HIVEP3: variants seen among roughly 807,000 people sequenced by gnomAD.
HIVEP3 encodes the protein HIVEP zinc finger 3.
A neutral mutation model predicts 152.8 loss-of-function variants in HIVEP3; 49 were observed. That is an observed-to-expected ratio of 0.32 (90% CI 0.26 to 0.41). The LOEUF is 0.41. Among genes scored for constraint, HIVEP3 ranks in the 10% least tolerant of loss-of-function variants. The probability of loss-of-function intolerance (pLI) is 1.00; values close to 1 mark genes in which losing one functional copy is unlikely to be tolerated. For synonymous variants in HIVEP3, 1,269 were observed against 1,289.0 expected, an observed-to-expected ratio of 0.98 and a Z score of 0.33; for missense variants, 2,790 against 3,103.3, an observed-to-expected ratio of 0.90 and a Z score of 2.40.
chr1:41,891,168 C>T (rs942925594), intron 1 of HIVEP3, among the ~76,000 whole-genome samples: 1 of 152,144 alleles, frequency 6.6e-6, no homozygotes, highest in African/African-American at 2.4e-5. Flanking sequence ...ATTTATGTGT[C>T]CAAACTTGCC....
intron 1 of HIVEP3, among the ~76,000 whole-genome samples, chr1:41,746,615 C>T (rs1254545829): frequency 6.6e-6 from 1 of 152,198 alleles, no homozygotes; most frequent in Admixed American, 6.5e-5. Context: ...TGTTTCTAGG[C>T]TGCTGTAACC....
At chr1:41,745,535 A>G (rs769354351) in intron 1 of HIVEP3, among the ~76,000 whole-genome samples, 28 of 152,198 alleles carry the variant, frequency 1.8e-4, no homozygotes, top group Non-Finnish European at 2.9e-4. Flanking sequence ...CTCTGCTCTG[A>G]CCCTGGAGAC....
chr1:41,890,822 C>A (rs1003973045), intron 1 of HIVEP3, among the ~76,000 whole-genome samples: 4 of 152,222 alleles, frequency 2.6e-5, no homozygotes, highest in Admixed American at 2.6e-4. Flanking sequence ...TAACCCAGGT[C>A]TCTGGGCAAG....
intron 1 of HIVEP3, among the ~76,000 whole-genome samples, chr1:41,908,147 A>T (rs59191491): frequency 0.036 from 5,451 of 152,258 alleles, 308 homozygotes; most frequent in African/African-American, 0.12. Flanking sequence ...GAGGAAAGAG[A>T]CCATCTCTAA....
intron 5 of HIVEP3, among the ~76,000 whole-genome samples, chr1:41,531,268 AGAGATGGAGGACAGGG>A (rs1558034653): frequency 7.8e-6 from 1 of 128,758 alleles, no homozygotes. Context: ...GGAGGACAGG[AGAGATGGAGGACAGGG>A]GAGATGGAGG....
chr1:41,787,485 A>G lies in HIVEP3; in HGVS notation c.-800-86490T>C, dbSNP rs1050416008. Among the ~76,000 whole-genome samples, 20 of 150,618 alleles carry G rather than the reference A, an allele frequency of 1.3e-4. 1 individual carries two copies. Among genetic ancestry groups the G allele is most frequent in the Non-Finnish European group, 2.5e-4 (17 of 67,620 alleles). ...ATGCACACAGCAGATGAGTTTTCAC[A>G]TGGCTTCATTGACATGCAAAGTGAT... On this transcript the variant is annotated intron_variant, in intron 1 of 8. Coordinates refer to ENST00000372583, the MANE Select transcript of HIVEP3 (RefSeq NM_024503.5).
At chr1:41,622,076 C>A (rs949621684) in intron 3 of HIVEP3, among the ~76,000 whole-genome samples, 1 of 152,220 alleles carries the variant, frequency 6.6e-6, no homozygotes, top group Non-Finnish European at 1.5e-5. Context: ...GGCCAACCAT[C>A]CATCTTGCAG....
At chr1:41,615,289 C>T (rs1299103727) in intron 3 of HIVEP3, among the ~76,000 whole-genome samples, 1 of 152,190 alleles carries the variant, frequency 6.6e-6, no homozygotes, top group Non-Finnish European at 1.5e-5. Context: ...CCAAAATCAG[C>T]TCATCTTCTA....
intron 1 of HIVEP3, among the ~76,000 whole-genome samples, chr1:41,769,494 T>C (rs1648218471): frequency 2.0e-5 from 3 of 152,138 alleles, no homozygotes; most frequent in South Asian, 2.1e-4. Flanking sequence ...GGAACCAAGA[T>C]TCCTTAGAGA....
At position 41,682,894 on chromosome 1, in the gene HIVEP3, C is replaced by T. The variant is rs561471374; in HGVS notation, c.-721+18022G>A. On this transcript the variant is annotated intron_variant, in intron 2 of 8. Transcript: ENST00000372583. Reference sequence around the variant, plus strand: ...GACATGGACCAAAAGAGCTGCAAAGCGGGGTGAAAATCTAATAACAGAAAT... The same window carrying T: ...GACATGGACCAAAAGAGCTGCAAAGTGGGGTGAAAATCTAATAACAGAAAT... Among the ~76,000 whole-genome samples the T allele has an allele frequency of 1.6e-4, 24 of 152,252 alleles. No homozygotes were observed. In the South Asian group the frequency reaches 2.3e-3, roughly 15 times the overall value.
chr1:42,013,279 T>C (rs959639006), intron 1 of HIVEP3, among the ~76,000 whole-genome samples: 1 of 152,214 alleles, frequency 6.6e-6, no homozygotes, highest in African/African-American at 2.4e-5. Flanking sequence ...TTTAGTTTGA[T>C]TACCACTGTA....
At chr1:41,787,901 T>C (rs1336549339) in intron 1 of HIVEP3, among the ~76,000 whole-genome samples, 1 of 151,664 alleles carries the variant, frequency 6.6e-6, no homozygotes, top group Non-Finnish European at 1.5e-5. Context: ...GTGAAAGAAA[T>C]ATGTGGGGAG....
intron 1 of HIVEP3, among the ~76,000 whole-genome samples, chr1:41,802,345 A>G (rs976611077): frequency 1.2e-4 from 18 of 151,970 alleles, no homozygotes; most frequent in African/African-American, 4.4e-4. Context: ...CCTCCCGAGT[A>G]GTTGGGGCCA....
At chr1:41,730,337 CTGAGGGGG>C (rs1421669725) in intron 1 of HIVEP3, among the ~76,000 whole-genome samples, 1 of 152,232 alleles carries the variant, frequency 6.6e-6, no homozygotes, top group Non-Finnish European at 1.5e-5. Context: ...CCCTGTAGAG[CTGAGGGGG>C]TGAGGAGTAG....
At position 41,670,820 on chromosome 1, in the gene HIVEP3, C is replaced by T. The variant is rs115436677; in HGVS notation, c.-721+30096G>A. On this transcript the variant is annotated intron_variant, in intron 2 of 8. Transcript: ENST00000372583. ...GGCAAAGGGGCAACCAGTGCAAAGG[C>T]CCTGCGTCGGGCATATTACACAGGG... Among the ~76,000 whole-genome samples the T allele has an allele frequency of 2.0e-3, 304 of 152,270 alleles. 1 individual carries two copies. The highest frequency in any genetic ancestry group is 7.0e-3 in the African/African-American group (292 of 41,554).
chr1:41,816,945 T>C (rs939097951), intron 1 of HIVEP3, among the ~76,000 whole-genome samples: 1 of 152,226 alleles, frequency 6.6e-6, no homozygotes, highest in African/African-American at 2.4e-5. Flanking sequence ...TGACCATCTC[T>C]ACCCACTTTT....
At chr1:41,589,143 A>T (rs6600380) in intron 3 of HIVEP3, among the ~76,000 whole-genome samples, 1 of 152,088 alleles carries the variant, frequency 6.6e-6, no homozygotes, top group African/African-American at 2.4e-5. Context: ...CCACTTTTCC[A>T]GGGAATTGGT....
At chr1:41,573,648 A>G (rs964146111) in intron 5 of HIVEP3, among the ~76,000 whole-genome samples, 1 of 152,160 alleles carries the variant, frequency 6.6e-6, no homozygotes. Context: ...AGCAGCTATG[A>G]ATTATAGCCT....
intron 3 of HIVEP3, among the ~76,000 whole-genome samples, chr1:41,615,479 A>G (rs1644954881): frequency 6.6e-6 from 1 of 152,264 alleles, no homozygotes; most frequent in South Asian, 2.1e-4. Context: ...ACAGGTGAAG[A>G]TGCTGGGCCC....
Sources: gnomAD v4.1 joint callset for allele counts (sites outside exome capture counted in the v4.1 genomes callset) on GRCh38, gnomAD v4.1.1 for gene constraint, MANE v1.5 for transcripts, NCBI Gene and HGNC (gene_info 2026-07-23, HGNC 2026-07-21) for gene names.